RXFP1: variants seen among roughly 807,000 people sequenced by gnomAD.
RXFP1 encodes relaxin family peptide receptor 1.
RXFP1 carries 73 observed loss-of-function variants against 89.8 expected under a neutral mutation model. That is an observed-to-expected ratio of 0.81 (90% CI 0.67 to 0.99). The LOEUF is 0.99. RXFP1 is among the 50% of genes least tolerant of loss of function. The pLI is 0.00. For synonymous variants in RXFP1, 277 were observed against 305.5 expected (o/e 0.91, Z 0.97); for missense variants, 793 against 895.5 (o/e 0.89, Z 1.46).
At chr4:158,601,137 G>T (rs902705464) in intron 4 of RXFP1, among the ~76,000 whole-genome samples, 2 of 151,876 alleles carry the variant, frequency 1.3e-5, no homozygotes, top group African/African-American at 4.8e-5. Context: ...TTTAAAAATT[G>T]TCATGATCTA....
chr4:158,633,003 C>G (rs1231213914), intron 11 of RXFP1, among the ~76,000 whole-genome samples: 2 of 152,124 alleles, frequency 1.3e-5, no homozygotes, highest in African/African-American at 4.8e-5. Flanking sequence ...AACCCCGTCT[C>G]TACTAAAAAT....
At chr4:158,584,484 A>C (rs1472802579) in intron 2 of RXFP1, among the ~76,000 whole-genome samples, 2 of 152,192 alleles carry the variant, frequency 1.3e-5, no homozygotes, top group Non-Finnish European at 2.9e-5. Context: ...AGCCTTATAA[A>C]TTAACCACTT....
intron 14 of RXFP1, among the ~76,000 whole-genome samples, chr4:158,643,389 G>C (rs965203030): frequency 1.3e-5 from 2 of 151,964 alleles, no homozygotes; most frequent in African/African-American, 4.8e-5. Flanking sequence ...AATAAACATG[G>C]GGGTGCAGAT....
At chr4:158,607,430 A>G (rs1439483366) in intron 5 of RXFP1, among the ~76,000 whole-genome samples, 1 of 152,198 alleles carries the variant, frequency 6.6e-6, no homozygotes, top group African/African-American at 2.4e-5. Flanking sequence ...GATTTGGTTG[A>G]CAGATTTGTG....
At chr4:158,606,929 C>A (rs1762639648) in intron 5 of RXFP1, 2 of 737,324 alleles carry the variant, frequency 2.7e-6, no homozygotes, top group African/African-American at 1.8e-5. Flanking sequence ...GGTTTTCTTG[C>A]ATGTTGGAGA....
chr4:158,604,866 TA>T lies in RXFP1; in HGVS notation c.393-195del, dbSNP rs1166939722. 3.9e-5 allele frequency among the ~76,000 whole-genome samples: 6 copies of T among 152,106 alleles called. No homozygotes were observed. The East Asian group carries it at 9.6e-4, about 24-fold the overall frequency. On this transcript the variant is annotated intron_variant, in intron 4 of 17. Coordinates refer to ENST00000307765, the MANE Select transcript of RXFP1 (RefSeq NM_021634.4). ...AGAATTACAGTCATAACCAAAATTTTAAAAAAATGAATAGCTTTAATAGTGC... is the reference window on the plus strand; with the variant it reads ...AGAATTACAGTCATAACCAAAATTTTAAAAAATGAATAGCTTTAATAGTGC...
intron 4 of RXFP1, among the ~76,000 whole-genome samples, chr4:158,601,224 C>CA (rs1428353157): frequency 3.3e-5 from 5 of 151,736 alleles, no homozygotes; most frequent in South Asian, 2.1e-4. Context: ...CTGGTATAAA[C>CA]AAAAAAACTG....
chr4:158,607,260 G>A, intron 5 of RXFP1: 1 of 673,492 alleles, frequency 1.5e-6, no homozygotes, highest in Non-Finnish European at 2.6e-6. Context: ...AGTTAACTAT[G>A]TAAGCCTGCA....
intron 3 of RXFP1, 179 bp from the exon 4 acceptor site, chr4:158,599,147 T>C: frequency 1.1e-6 from 1 of 932,574 alleles, no homozygotes. Context: ...CATTTTAAGG[T>C]TAAATTAAAA....
At chr4:158,633,293 T>G (rs1768470607) in intron 11 of RXFP1, 112 bp from the exon 12 acceptor site, 1 of 664,168 alleles carries the variant, frequency 1.5e-6, no homozygotes, top group Non-Finnish European at 2.7e-6. Flanking sequence ...GTGATTAATA[T>G]AACTCACCAA....
intron 12 of RXFP1, among the ~76,000 whole-genome samples, chr4:158,633,754 C>T (rs561130084): frequency 6.6e-6 from 1 of 152,312 alleles, no homozygotes; most frequent in East Asian, 1.9e-4. Context: ...TTGACTACTC[C>T]AGATACCTCA....
At chr4:158,555,821 C>T (rs559264810) in intron 1 of RXFP1, among the ~76,000 whole-genome samples, 93 of 152,278 alleles carry the variant, frequency 6.1e-4, no homozygotes, top group African/African-American at 2.1e-3. Flanking sequence ...CAAGACCACA[C>T]ATTGGAGAAA....
At chr4:158,541,987 T>C (rs879257905) in intron 1 of RXFP1, among the ~76,000 whole-genome samples, 1 of 148,062 alleles carries the variant, frequency 6.8e-6, no homozygotes, top group Non-Finnish European at 1.5e-5. Context: ...TGGTGCGAGC[T>C]CAGCTCACCG....
Position 158,633,357 on chromosome 4 carries a change from GTAAAGTCT to G in RXFP1, c.900-44_900-37del, listed in dbSNP as rs758384632. On this transcript the variant is annotated intron_variant, in intron 11 of 17. Transcript: ENST00000307765. ...TTCCTAATGAATTTCAGAACAATGA[GTAAAGTCT>G]TAAGAAAATAATATCACATATTTGC... is the stretch of plus-strand genomic sequence containing the variant. 26 of 1,221,792 alleles carry G rather than the reference GTAAAGTCT, an allele frequency of 2.1e-5. No individual in the cohort carries two copies. In the Middle Eastern group the frequency reaches 4.0e-3, roughly 186 times the overall value. The allele number at this position is 1,221,792 out of a possible 1,614,324, so 75.7% of individuals were successfully genotyped here. A position where few individuals can be genotyped will look rare whatever the true frequency, so the allele number is the denominator to read the frequency against.
intron 2 of RXFP1, among the ~76,000 whole-genome samples, chr4:158,582,195 G>A (rs955909284): frequency 6.6e-6 from 1 of 152,172 alleles, no homozygotes; most frequent in Non-Finnish European, 1.5e-5. Context: ...TATAGCAGTA[G>A]ACATGACAAT....
intron 1 of RXFP1, among the ~76,000 whole-genome samples, chr4:158,539,867 T>C (rs1331196939): frequency 6.6e-6 from 1 of 151,992 alleles, no homozygotes; most frequent in Non-Finnish European, 1.5e-5. Flanking sequence ...GGAAAAAAAA[T>C]CACAGATTTC....
intron 8 of RXFP1, among the ~76,000 whole-genome samples, chr4:158,616,479 A>G (rs1764588374): frequency 1.3e-5 from 2 of 151,550 alleles, no homozygotes; most frequent in South Asian, 4.2e-4. Flanking sequence ...GTGTGCCTAC[A>G]TTAATCTTGG....
At chr4:158,568,642 AAG>A (rs1425925027) in intron 1 of RXFP1, among the ~76,000 whole-genome samples, 4 of 152,230 alleles carry the variant, frequency 2.6e-5, no homozygotes, top group Non-Finnish European at 4.4e-5. Flanking sequence ...TGGTTGAAAA[AAG>A]ATTAATTTTG....
chr4:158,615,484 C>A (rs184222153), intron 8 of RXFP1, among the ~76,000 whole-genome samples: 1 of 151,390 alleles, frequency 6.6e-6, no homozygotes, highest in African/African-American at 2.4e-5. Context: ...TGCAGTGAGC[C>A]GAGATTGCAC....
Sources: gnomAD v4.1 joint callset for allele counts (sites outside exome capture counted in the v4.1 genomes callset) on GRCh38, gnomAD v4.1.1 for gene constraint, MANE v1.5 for transcripts, NCBI Gene and HGNC (gene_info 2026-07-23, HGNC 2026-07-21) for gene names.